Variants in MAN2A1 observed in about 807,000 individuals in gnomAD.
MAN2A1 encodes the protein mannosidase alpha class 2A member 1.
In MAN2A1, 76 loss-of-function variants were observed where a neutral mutation model predicts 142.6. The observed-to-expected ratio is 0.53, with a 90% CI of 0.44 to 0.65. The LOEUF (loss-of-function observed/expected upper bound fraction) is 0.65, where lower values mean the gene tolerates loss of function less well. MAN2A1 is among the 30% of genes least tolerant of loss of function. The pLI is 0.00. For synonymous variants in MAN2A1, 559 were observed against 473.2 expected (o/e 1.18, Z -2.35); for missense variants, 1,311 against 1,365.1 (o/e 0.96, Z 0.62).
At chr5:109,825,250 A>G (rs1403309659) in intron 16 of MAN2A1, among the ~76,000 whole-genome samples, 1 of 152,212 alleles carries the variant, frequency 6.6e-6, no homozygotes, top group African/African-American at 2.4e-5. Flanking sequence ...CACAGAAGAT[A>G]TGCTGATCTA....
chr5:109,829,003 T>C (rs1276988640), intron 16 of MAN2A1, among the ~76,000 whole-genome samples: 6 of 152,150 alleles, frequency 3.9e-5, no homozygotes, highest in Non-Finnish European at 8.8e-5. Context: ...GTTAAACATA[T>C]TAGGGGACTT....
intron 1 of MAN2A1, among the ~76,000 whole-genome samples, chr5:109,691,879 G>T (rs1431633512): frequency 1.3e-5 from 2 of 152,194 alleles, no homozygotes; most frequent in Non-Finnish European, 2.9e-5. Flanking sequence ...TCTTGATGAG[G>T]TTGAAGAAAA....
intron 5 of MAN2A1, among the ~76,000 whole-genome samples, chr5:109,760,570 C>A (rs1752815192): frequency 6.6e-6 from 1 of 152,166 alleles, no homozygotes; most frequent in Non-Finnish European, 1.5e-5. Flanking sequence ...CCGTCTTCCA[C>A]AATGGTTGAT....
At chr5:109,755,279 G>C in intron 4 of MAN2A1, 50 bp from the exon 5 acceptor site, 2 of 1,441,800 alleles carry the variant, frequency 1.4e-6, no homozygotes, top group Non-Finnish European at 1.9e-6. Context: ...TTTTTCATTT[G>C]AACTTTTCTT....
At chr5:109,844,702 C>G (rs1050184149) in intron 17 of MAN2A1, among the ~76,000 whole-genome samples, 3 of 152,182 alleles carry the variant, frequency 2.0e-5, no homozygotes, top group Non-Finnish European at 4.4e-5. Flanking sequence ...GTTGCCTATG[C>G]TTGGCATTCC....
In MAN2A1 at chr5:109,869,135, A is replaced by G. The variant is rs1424027978; in HGVS notation, c.*2137A>G. ...AGAATAAATCATCAGGGAAACAGAG[A>G]GGATGCTTTGCTTTGGGTTGTAGTC... On this transcript the variant is annotated 3_prime_UTR_variant, in exon 22 of 22. Transcript: ENST00000261483. 6.6e-6 allele frequency: 1 copy of G among 152,190 alleles called. No homozygotes were observed. 9.4% of individuals were successfully genotyped at this position (152,190 alleles called of 1,614,324 possible).
chr5:109,813,460 A>T (rs190088498), intron 12 of MAN2A1, among the ~76,000 whole-genome samples: 221 of 152,352 alleles, frequency 1.5e-3, no homozygotes, highest in Admixed American at 3.1e-3. Context: ...TCTTGGCAAC[A>T]TTCCTGCTCT....
chr5:109,789,341 T>A, intron 11 of MAN2A1, 119 bp from the exon 12 acceptor site: 1 of 605,302 alleles, frequency 1.7e-6, no homozygotes, highest in Non-Finnish European at 2.8e-6. Context: ...CCTTGATATT[T>A]AACTTTTTAT....
Position 109,737,092 on chromosome 5 carries a change from C to CTTTTT in MAN2A1, c.707+7594_707+7598dup, listed in dbSNP as rs10686903. On this transcript the variant is annotated intron_variant, in intron 4 of 21. Transcript: ENST00000261483. ...GGCCATAGAATATGGACTGTATACT[C>CTTTTT]TTTTTTTTTTTTTTTTTTTGAGACT... Among the ~76,000 whole-genome samples, 219 of 112,132 alleles carry CTTTTT rather than the reference C, an allele frequency of 2.0e-3. 11 individuals carry two copies. Among genetic ancestry groups the CTTTTT allele is most frequent in the East Asian group, 0.011 (41 of 3,754 alleles). The allele number at this position is 112,132 out of a possible 152,430, so 73.6% of individuals were successfully genotyped here.
At chr5:109,845,657 T>G (rs1755326474) in intron 17 of MAN2A1, among the ~76,000 whole-genome samples, 1 of 152,218 alleles carries the variant, frequency 6.6e-6, no homozygotes, top group Non-Finnish European at 1.5e-5. Flanking sequence ...AAGTTCTACC[T>G]TTCCCACCTA....
chr5:109,696,426 A>G (rs1750814161), intron 1 of MAN2A1, among the ~76,000 whole-genome samples: 1 of 152,194 alleles, frequency 6.6e-6, no homozygotes, highest in South Asian at 2.1e-4. Flanking sequence ...TTAATGTTAA[A>G]TTTCTAAATC....
chr5:109,734,000 T>C (rs894843724), intron 4 of MAN2A1, among the ~76,000 whole-genome samples: 4 of 152,140 alleles, frequency 2.6e-5, no homozygotes, highest in Non-Finnish European at 4.4e-5. Flanking sequence ...CCTGGACTCT[T>C]TTTGGTTGGT....
chr5:109,690,762 C>T (rs1192920964), intron 1 of MAN2A1, among the ~76,000 whole-genome samples: 3 of 151,994 alleles, frequency 2.0e-5, no homozygotes, highest in African/African-American at 7.2e-5. Flanking sequence ...GGGCGGCGTG[C>T]GGCGGCGGCG....
chr5:109,690,226 G>A lies in MAN2A1; in HGVS notation c.-192G>A. On this transcript the variant is annotated 5_prime_UTR_variant, in exon 1 of 22. Transcript: ENST00000261483. ...ACCCCGGGGAGGGCGGCAGGCCAGG[G>A]CGAAGGCCAAGGGCGTGTGGTGGCG... 1.7e-6 allele frequency: 1 copy of A among 597,166 alleles called. No homozygotes were observed. The highest frequency in any genetic ancestry group is 2.9e-5 in the Admixed American group (1 of 34,742). The allele number at this position is 597,166 out of a possible 1,614,324, so 37.0% of individuals were successfully genotyped here.
intron 16 of MAN2A1, among the ~76,000 whole-genome samples, chr5:109,834,230 G>T (rs1023227316): frequency 3.0e-4 from 46 of 152,126 alleles, no homozygotes; most frequent in Non-Finnish European, 7.4e-5. Context: ...TCTCTCCTCT[G>T]TCCTAGACCA....
At chr5:109,824,776 A>G (rs1210145105) in intron 16 of MAN2A1, among the ~76,000 whole-genome samples, 1 of 152,174 alleles carries the variant, frequency 6.6e-6, no homozygotes, top group Non-Finnish European at 1.5e-5. Flanking sequence ...TGTTCAGGGA[A>G]TCTCTTAAAT....
intron 20 of MAN2A1, 170 bp from the exon 21 acceptor site, chr5:109,864,866 G>T: frequency 1.6e-6 from 1 of 610,700 alleles, no homozygotes; most frequent in Admixed American, 2.7e-5. Context: ...GGAGAGAATG[G>T]TAGCAGGTGA....
intron 15 of MAN2A1, among the ~76,000 whole-genome samples, chr5:109,822,970 G>A (rs1013499156): frequency 2.0e-5 from 3 of 152,152 alleles, no homozygotes; most frequent in African/African-American, 4.8e-5. Context: ...GAGCCACGGC[G>A]CCTGGCCGAA....
chr5:109,832,483 G>A (rs1376506974), intron 16 of MAN2A1, among the ~76,000 whole-genome samples: 2 of 152,158 alleles, frequency 1.3e-5, no homozygotes, highest in Non-Finnish European at 2.9e-5. Context: ...GAGAGCAAGG[G>A]GTTGGGGGTA....
Sources: allele counts gnomAD v4.1 joint callset (sites outside exome capture counted in the v4.1 genomes callset), GRCh38; gene constraint gnomAD v4.1.1; transcripts MANE v1.5; gene names NCBI Gene and HGNC (gene_info 2026-07-23, HGNC 2026-07-21).